The following CHIC2 variants were observed in gnomAD, a reference collection of about 807,000 sequenced individuals.
CHIC2 encodes the protein cysteine-rich hydrophobic domain-containing protein 2.
Under a neutral mutation model 25.9 loss-of-function variants are expected in CHIC2, and 14 were observed. The observed-to-expected ratio is 0.54, with a 90% confidence interval of 0.36 to 0.85. CHIC2 has a LOEUF of 0.85. Ranked by LOEUF, CHIC2 falls within the 40% of genes least tolerant of loss-of-function variation. The pLI is 0.01. For synonymous variants in CHIC2, 70 were observed against 72.0 expected (o/e 0.97, Z 0.14); for missense variants, 146 against 202.0 (o/e 0.72, Z 1.68).
chr4:54,048,789 T>G (rs936606089), intron 3 of CHIC2, 166 bp downstream of exon 3: 2 of 506,084 alleles, frequency 4.0e-6, no homozygotes, highest in Non-Finnish European at 6.7e-6. Context: ...ATAACAGCAC[T>G]TGGATATATA....
intron 5 of CHIC2, among the ~76,000 whole-genome samples, chr4:54,011,326 T>C (rs1358785277): frequency 6.6e-6 from 1 of 152,104 alleles, no homozygotes; most frequent in Non-Finnish European, 1.5e-5. Flanking sequence ...CACTAAGGCT[T>C]AGCTGTCACA....
chr4:54,066,041 A>G (rs1328958550), upstream of CHIC2, among the ~76,000 whole-genome samples: 1 of 152,202 alleles, frequency 6.6e-6, no homozygotes, highest in East Asian at 1.9e-4. Context: ...GACTTCTGGT[A>G]GCTTATCTAT....
the CHIC2 span, among the ~76,000 whole-genome samples, chr4:54,083,465 T>C: frequency 2.6e-5 from 4 of 152,224 alleles, no homozygotes; most frequent in African/African-American, 7.2e-5. Context: ...ATCTACAGTC[T>C]CATCTGAAAC....
chr4:54,014,806 G>A (rs1428189445), intron 3 of CHIC2, among the ~76,000 whole-genome samples: 1 of 152,056 alleles, frequency 6.6e-6, no homozygotes, highest in Non-Finnish European at 1.5e-5. Context: ...AATGTTTCTT[G>A]CTTGAGAATA....
the CHIC2 span, among the ~76,000 whole-genome samples, chr4:54,080,188 G>A: frequency 6.8e-6 from 1 of 147,754 alleles, no homozygotes; most frequent in African/African-American, 2.5e-5. Context: ...ATATATATGT[G>A]TATATATATG....
At chr4:54,016,841 TAA>T (rs1238889572) in intron 3 of CHIC2, among the ~76,000 whole-genome samples, 1 of 147,060 alleles carries the variant, frequency 6.8e-6, no homozygotes. Flanking sequence ...AGCAGTCATT[TAA>T]AAAAAAAAGG....
At chr4:54,058,791 T>C (rs1450716217) in intron 1 of CHIC2, among the ~76,000 whole-genome samples, 1 of 152,198 alleles carries the variant, frequency 6.6e-6, no homozygotes, top group Admixed American at 6.5e-5. Context: ...CTTTAACCTG[T>C]TGACAGTATA....
At chr4:54,019,484 C>T (rs909206415) in intron 3 of CHIC2, among the ~76,000 whole-genome samples, 12 of 152,032 alleles carry the variant, frequency 7.9e-5, no homozygotes, top group African/African-American at 2.9e-4. Flanking sequence ...TGAGCAGTGT[C>T]TTAATAGGTG....
chr4:54,070,426 T>G, the CHIC2 span, among the ~76,000 whole-genome samples: 6 of 151,888 alleles, frequency 4.0e-5, no homozygotes, highest in South Asian at 2.1e-4. Context: ...ATGTATTTAT[T>G]TATTTATTTA....
chr4:54,055,342 T>C (rs953744105), intron 1 of CHIC2, among the ~76,000 whole-genome samples: 2 of 150,650 alleles, frequency 1.3e-5, no homozygotes, highest in Admixed American at 6.6e-5. Context: ...GGTGGCAAAA[T>C]AGGGCCAAAT....
At chr4:54,090,350 A>G in the CHIC2 span, among the ~76,000 whole-genome samples, 1 of 151,928 alleles carries the variant, frequency 6.6e-6, no homozygotes, top group Non-Finnish European at 1.5e-5. Context: ...CACGCTGGCT[A>G]ATTTTTGTAT....
the CHIC2 span, chr4:54,087,527 G>T: frequency 8.5e-7 from 1 of 1,171,548 alleles, no homozygotes; most frequent in Non-Finnish European, 1.1e-6. Flanking sequence ...CTACAAATTT[G>T]AGAGGCCCCT....
intron 3 of CHIC2, among the ~76,000 whole-genome samples, chr4:54,044,821 G>C (rs1437701378): frequency 6.6e-6 from 1 of 152,004 alleles, no homozygotes; most frequent in Admixed American, 6.5e-5. Flanking sequence ...AGGAAATAGA[G>C]ACACAAAAAA....
Position 54,020,651 on chromosome 4 carries a change from G to A in CHIC2, c.331-6532C>T, listed in dbSNP as rs199575348. 4.9e-3 allele frequency among the ~76,000 whole-genome samples: 739 copies of A among 151,918 alleles called. 6 individuals carry two copies. The highest frequency in any genetic ancestry group is 0.01 in the Middle Eastern group (3 of 292). On this transcript the variant is annotated intron_variant, in intron 3 of 5. Transcript: ENST00000263921. The stretch of plus-strand genomic sequence containing the variant: ...AGGAACATCTCACCAATTTCAAATC[G>A]GGTAAGCGGTCTTTTCACTCTCTTC...
chr4:54,049,378 G>GGTCA, intron 1 of CHIC2, 73 bp from the exon 2 acceptor site: 1 of 956,298 alleles, frequency 1.0e-6, no homozygotes, highest in Non-Finnish European at 1.6e-6. Context: ...TTAATTTAAA[G>GGTCA]GTCAAGTCAA....
upstream of CHIC2, chr4:54,064,775 T>TTCC: frequency 4.4e-6 from 2 of 450,786 alleles, no homozygotes; most frequent in Non-Finnish European, 5.9e-6. This position sits in a 1 kb window ranked among gnomAD's most constrained non-coding sequence, Gnocchi z 4.2. Flanking sequence ...GCCACCGTCT[T>TTCC]TCCTCTGCTT....
intron 5 of CHIC2, among the ~76,000 whole-genome samples, chr4:54,010,979 A>T (rs1429520955): frequency 6.6e-6 from 1 of 152,166 alleles, no homozygotes; most frequent in Non-Finnish European, 1.5e-5. Flanking sequence ...GGTAACACAG[A>T]ATTACACAAA....
chr4:54,047,413 T>C (rs1577980977), intron 3 of CHIC2, among the ~76,000 whole-genome samples: 1 of 151,954 alleles, frequency 6.6e-6, no homozygotes, highest in East Asian at 1.9e-4. Flanking sequence ...TGTCCAACAA[T>C]GGTAGACTGG....
At chr4:54,049,155 C>CA (rs1716923413) in intron 2 of CHIC2, 45 bp from the exon 3 acceptor site, 5 of 1,567,194 alleles carry the variant, frequency 3.2e-6, no homozygotes, top group Admixed American at 1.9e-5. Context: ...ATATTAATGT[C>CA]AAAAAACATG....
Sources: gnomAD v4.1 joint callset for allele counts (sites outside exome capture counted in the v4.1 genomes callset) on GRCh38, gnomAD v4.1.1 for gene constraint, Gnocchi (gnomAD v3.1) non-coding constraint, MANE v1.5 for transcripts, NCBI Gene and HGNC (gene_info 2026-07-23, HGNC 2026-07-21) for gene names.